SLC9D1: variants seen among roughly 807,000 people sequenced by gnomAD.
SLC9D1 encodes solute carrier family 9 member D1, also known as putative LAG1-interacting protein.
At chr13:113,501,479 G>C in the SLC9D1 span, among the ~76,000 whole-genome samples, 1 of 152,176 alleles carries the variant, frequency 6.6e-6, no homozygotes, top group Non-Finnish European at 1.5e-5. Context: ...GGGGGCAGGG[G>C]AGGATCATGG....
At chr13:113,502,717 C>T in the SLC9D1 span, among the ~76,000 whole-genome samples, 1 of 152,180 alleles carries the variant, frequency 6.6e-6, no homozygotes, top group African/African-American at 2.4e-5. Context: ...GAGTGGGTGC[C>T]ATGAGTCCCA....
the SLC9D1 span, among the ~76,000 whole-genome samples, chr13:113,511,592 G>T: frequency 6.6e-6 from 1 of 152,280 alleles, no homozygotes; most frequent in Non-Finnish European, 1.5e-5. Flanking sequence ...CGCTGGACGG[G>T]TGGCCCCGGC....
the SLC9D1 span, among the ~76,000 whole-genome samples, chr13:113,547,544 A>G: frequency 5.3e-5 from 8 of 152,178 alleles, no homozygotes; most frequent in Non-Finnish European, 8.8e-5. Context: ...AGGCAGATGT[A>G]GACGAGGCTG....
the SLC9D1 span, among the ~76,000 whole-genome samples, chr13:113,512,890 T>A: frequency 6.6e-6 from 1 of 150,516 alleles, no homozygotes; most frequent in Non-Finnish European, 1.5e-5. Flanking sequence ...AGGGTCAGTA[T>A]ATATGGACTC....
chr13:113,544,374 T>G, the SLC9D1 span, among the ~76,000 whole-genome samples: 2 of 152,240 alleles, frequency 1.3e-5, no homozygotes, highest in Non-Finnish European at 1.5e-5. Context: ...CAGAGCAAGG[T>G]CGGGGTCTCG....
chr13:113,500,496 G>A, the SLC9D1 span, among the ~76,000 whole-genome samples: 1 of 152,196 alleles, frequency 6.6e-6, no homozygotes, highest in African/African-American at 2.4e-5. Flanking sequence ...TGGCTAAGGA[G>A]TCATATATGG....
At chr13:113,517,315 T>C in the SLC9D1 span, among the ~76,000 whole-genome samples, 410 of 152,238 alleles carry the variant, frequency 2.7e-3, 1 homozygote, top group African/African-American at 8.3e-3. Flanking sequence ...TCACTGCAAG[T>C]TCCACCTCCC....
At chr13:113,502,430 G>C in the SLC9D1 span, among the ~76,000 whole-genome samples, 1 of 152,076 alleles carries the variant, frequency 6.6e-6, no homozygotes, top group Admixed American at 6.5e-5. Flanking sequence ...AGTCAGACTG[G>C]TCTTGAACTC....
chr13:113,517,124 T>C, the SLC9D1 span, among the ~76,000 whole-genome samples: 2 of 152,100 alleles, frequency 1.3e-5, no homozygotes, highest in East Asian at 1.9e-4. Context: ...GAGTAATGTA[T>C]GTGGGACCAG....
the SLC9D1 span, among the ~76,000 whole-genome samples, chr13:113,540,967 G>A: frequency 2.1e-4 from 32 of 152,280 alleles, no homozygotes; most frequent in African/African-American, 7.2e-4. Context: ...TTGTTGAGTG[G>A]GGAGTCCTTT....
At chr13:113,532,752 G>A in the SLC9D1 span, among the ~76,000 whole-genome samples, 7 of 152,238 alleles carry the variant, frequency 4.6e-5, no homozygotes, top group South Asian at 8.3e-4. Flanking sequence ...GGGCCCTGCA[G>A]TGAGCTCTGA....
chr13:113,543,697 G>A, the SLC9D1 span, among the ~76,000 whole-genome samples: 1 of 149,828 alleles, frequency 6.7e-6, no homozygotes, highest in African/African-American at 2.5e-5. Context: ...TGGCCGTGGC[G>A]TGTGACCTGG....
chr13:113,495,996 C>T, the SLC9D1 span: 1 of 1,612,412 alleles, frequency 6.2e-7, no homozygotes, highest in East Asian at 2.2e-5. Context: ...CCGGCAGCGC[C>T]TGGAGGCCCT....
At chr13:113,525,772 G>C in the SLC9D1 span, among the ~76,000 whole-genome samples, 300 of 114,550 alleles carry the variant, frequency 2.6e-3, 2 homozygotes, top group African/African-American at 6.7e-3. Flanking sequence ...TCGTAGGAGA[G>C]GACAGCTCTG....
the SLC9D1 span, among the ~76,000 whole-genome samples, chr13:113,521,945 T>C: frequency 1.3e-5 from 2 of 152,216 alleles, no homozygotes; most frequent in Non-Finnish European, 2.9e-5. Flanking sequence ...CTTACAGCAA[T>C]GAGTACAACT....
the SLC9D1 span, among the ~76,000 whole-genome samples, chr13:113,548,942 G>C: frequency 2.0e-5 from 3 of 152,130 alleles, no homozygotes; most frequent in African/African-American, 7.2e-5. Context: ...CTGAAAGGTA[G>C]AATTGCTTAC....
At chr13:113,492,295 C>T in the SLC9D1 span, among the ~76,000 whole-genome samples, 3 of 152,308 alleles carry the variant, frequency 2.0e-5, no homozygotes, top group African/African-American at 7.2e-5. Flanking sequence ...ACCACCGCAC[C>T]TGGTCTTAGG....
the SLC9D1 span, among the ~76,000 whole-genome samples, chr13:113,518,970 G>T: frequency 5.3e-5 from 8 of 151,788 alleles, no homozygotes; most frequent in Non-Finnish European, 1.0e-4. Flanking sequence ...AAGGGGTTTT[G>T]TGTGGTTCTG....
chr13:113,521,229 T>C, the SLC9D1 span, among the ~76,000 whole-genome samples: 1 of 151,288 alleles, frequency 6.6e-6, no homozygotes, highest in Non-Finnish European at 1.5e-5. Flanking sequence ...GGGGGGCATG[T>C]GTCTGCATGT....
Sources: allele counts gnomAD v4.1 joint callset (sites outside exome capture counted in the v4.1 genomes callset), GRCh38; gene constraint gnomAD v4.1.1; transcripts MANE v1.5; gene names NCBI Gene and HGNC (gene_info 2026-07-23, HGNC 2026-07-21).